Variants in MLPH observed in about 807,000 individuals in gnomAD.
MLPH encodes the protein melanophilin.
In MLPH, 51 loss-of-function variants were observed where a neutral mutation model predicts 72.1. The observed-to-expected ratio is 0.71, with a 90% confidence interval of 0.56 to 0.89. The LOEUF (loss-of-function observed/expected upper bound fraction) is 0.89. MLPH is among the 40% of genes least tolerant of loss of function. The pLI, the probability that MLPH is intolerant of heterozygous loss-of-function variation, is 0.00. For synonymous variants in MLPH, 301 were observed against 310.1 expected (o/e 0.97, Z 0.31); for missense variants, 743 against 759.9 (o/e 0.98, Z 0.26).
rs2080653806 is a variant in MLPH, at chr2:237,540,542, A to G, written c.1290+9A>G. The G allele has an allele frequency of 1.2e-6, 2 of 1,608,614 alleles. No individual in the cohort carries two copies. Among genetic ancestry groups the G allele is most frequent in the Non-Finnish European group, 1.7e-6 (2 of 1,178,846 alleles). Reference sequence around the variant, plus strand: ...CCCAGGCGGACCCGGAGGTAAGACTATCCCCCAGAGGTCTCAGCAGGACCC... The same window carrying G: ...CCCAGGCGGACCCGGAGGTAAGACTGTCCCCCAGAGGTCTCAGCAGGACCC... On this transcript the variant is annotated intron_variant, in intron 10 of 15. Coordinates refer to ENST00000264605, the MANE Select transcript of MLPH (RefSeq NM_024101.7).
At chr2:237,550,317 C>T (rs1559381548) in intron 14 of MLPH, among the ~76,000 whole-genome samples, 2 of 152,362 alleles carry the variant, frequency 1.3e-5, no homozygotes, top group Middle Eastern at 3.4e-3. Flanking sequence ...CATGCCAGCT[C>T]GCTCTTTGCA....
At chr2:237,507,620 G>T (rs1482747048) in intron 2 of MLPH, among the ~76,000 whole-genome samples, 2 of 152,058 alleles carry the variant, frequency 1.3e-5, no homozygotes, top group African/African-American at 2.4e-5. Context: ...TCTCACCAGC[G>T]ATCTCATCAA....
At position 237,487,347 on chromosome 2, in the gene MLPH, A is replaced by ACCTGACGCCCTGG. The variant is rs141732125; in HGVS notation, c.-102_-90dup. The ACCTGACGCCCTGG allele has an allele frequency of 3.3e-5, 5 of 152,806 alleles. No homozygotes were observed. Among genetic ancestry groups the ACCTGACGCCCTGG allele is most frequent in the Non-Finnish European group, 5.8e-5 (4 of 68,572 alleles). 9.5% of individuals were successfully genotyped at this position (152,806 alleles called of 1,614,324 possible). A position where few individuals can be genotyped will look rare whatever the true frequency, so the allele number is the denominator to read the frequency against. On this transcript the variant is annotated 5_prime_UTR_variant, in exon 1 of 16. Transcript: ENST00000264605. Reference sequence around the variant, plus strand: ...TATCCAGCCTTGCCCCGGCGCCCTGACCTGACGCCCTGGCCTGACGCCCTG... The same window carrying ACCTGACGCCCTGG: ...TATCCAGCCTTGCCCCGGCGCCCTGACCTGACGCCCTGGCCTGACGCCCTGGCCTGACGCCCTG...
At chr2:237,539,302 A>T (rs1451337658) in intron 9 of MLPH, among the ~76,000 whole-genome samples, 3 of 152,338 alleles carry the variant, frequency 2.0e-5, no homozygotes, top group African/African-American at 7.2e-5. Flanking sequence ...GGTGCAAGGC[A>T]GACCGATCCC....
At chr2:237,501,683 AAAAAAATAC>A (rs1220820393) in intron 2 of MLPH, among the ~76,000 whole-genome samples, 65 of 118,756 alleles carry the variant, frequency 5.5e-4, no homozygotes, top group South Asian at 1.7e-3. Context: ...AAAAAAAAAA[AAAAAAATAC>A]AAAAAAATTA....
At chr2:237,539,946 G>A (rs980044292) in intron 9 of MLPH, among the ~76,000 whole-genome samples, 11 of 152,168 alleles carry the variant, frequency 7.2e-5, no homozygotes, top group East Asian at 1.9e-4. Context: ...AGCTGGACCC[G>A]ACCAAGGCTG....
At chr2:237,494,785 C>T (rs533150667) in intron 2 of MLPH, among the ~76,000 whole-genome samples, 8 of 152,102 alleles carry the variant, frequency 5.3e-5, no homozygotes, top group Non-Finnish European at 1.0e-4. Flanking sequence ...TACACTAGTC[C>T]GGAGCTCAGA....
chr2:237,514,368 G>T (rs1438150191), intron 4 of MLPH, among the ~76,000 whole-genome samples: 1 of 152,060 alleles, frequency 6.6e-6, no homozygotes, highest in Non-Finnish European at 1.5e-5. Context: ...CAAAGTGCTG[G>T]GATTACAAGC....
chr2:237,518,327 A>T, intron 4 of MLPH: 1 of 651,614 alleles, frequency 1.5e-6, no homozygotes, highest in South Asian at 1.7e-5. Flanking sequence ...AGGTGAATAG[A>T]TGAATAGATT....
intron 1 of MLPH, among the ~76,000 whole-genome samples, chr2:237,489,428 G>A (rs59454525): frequency 6.6e-6 from 1 of 152,110 alleles, no homozygotes. Flanking sequence ...GTAGGGAAGG[G>A]AGTGGCCCTT....
chr2:237,511,284 T>A (rs868448879), intron 4 of MLPH, 183 bp downstream of exon 4: 55 of 510,546 alleles, frequency 1.1e-4, no homozygotes, highest in East Asian at 2.5e-4. Flanking sequence ...TTTTTTTTTT[T>A]AATTTTTGTA....
chr2:237,492,807 G>A (rs112375850), intron 1 of MLPH, among the ~76,000 whole-genome samples: 23 of 152,034 alleles, frequency 1.5e-4, no homozygotes, highest in African/African-American at 4.8e-4. Context: ...AGCCCCCCAC[G>A]CCCAGAGGAT....
chr2:237,530,262 C>A (rs77700421), intron 8 of MLPH, among the ~76,000 whole-genome samples: 2,633 of 152,306 alleles, frequency 0.017, 47 homozygotes, highest in South Asian at 0.067. Context: ...CCTCATTCAG[C>A]AGGAAATCTG....
chr2:237,491,606 A>G (rs2079430288), intron 1 of MLPH, among the ~76,000 whole-genome samples: 1 of 152,174 alleles, frequency 6.6e-6, no homozygotes, highest in Admixed American at 6.5e-5. Context: ...CGTTAAAGGG[A>G]TGGGGACAGG....
At chr2:237,553,203 G>A in intron 15 of MLPH, 2 of 487,088 alleles carry the variant, frequency 4.1e-6, no homozygotes, top group South Asian at 1.6e-5. Flanking sequence ...TGACCAGTCT[G>A]GTTGGTTGCG....
intron 14 of MLPH, among the ~76,000 whole-genome samples, chr2:237,551,433 C>T (rs930076522): frequency 8.5e-5 from 13 of 152,232 alleles, no homozygotes; most frequent in African/African-American, 2.4e-4. Context: ...CTGATGTCAC[C>T]GAGCGTGGGG....
intron 6 of MLPH, among the ~76,000 whole-genome samples, chr2:237,523,700 G>A (rs13399735): frequency 0.17 from 25,452 of 152,134 alleles, 2,374 homozygotes; most frequent in African/African-American, 0.23. Flanking sequence ...AGTGTCCCTC[G>A]TTGTGTTGTG....
chr2:237,487,747 A>C (rs527896192), intron 1 of MLPH, among the ~76,000 whole-genome samples: 1 of 152,304 alleles, frequency 6.6e-6, no homozygotes, highest in East Asian at 1.9e-4. Context: ...CATTGCCTCC[A>C]TTGCGAGTCT....
intron 8 of MLPH, among the ~76,000 whole-genome samples, chr2:237,532,434 G>A (rs1303795410): frequency 1.5e-4 from 23 of 152,214 alleles, no homozygotes; most frequent in Non-Finnish European, 5.9e-5. Flanking sequence ...GATGGGAGAC[G>A]GGAGAGGAAA....
Sources: gnomAD v4.1 joint callset for allele counts (sites outside exome capture counted in the v4.1 genomes callset) on GRCh38, gnomAD v4.1.1 for gene constraint, MANE v1.5 for transcripts, NCBI Gene and HGNC (gene_info 2026-07-23, HGNC 2026-07-21) for gene names.